NOX4: variants seen among roughly 807,000 people sequenced by gnomAD.
NOX4 encodes NADPH oxidase 4.
In NOX4, 69 loss-of-function variants were observed where a neutral mutation model predicts 87.6. The ratio of observed to expected loss-of-function variants is 0.79; its 90% CI spans 0.65 to 0.96. The LOEUF is 0.96. Ranked by LOEUF, NOX4 falls within the 40% of genes least tolerant of loss-of-function variation. The pLI is 0.00. For synonymous variants in NOX4, 275 were observed against 238.2 expected, an observed-to-expected ratio of 1.15 and a Z score of -1.42; for missense variants, 680 against 681.5, an observed-to-expected ratio of 1.00 and a Z score of 0.02.
chr11:89,491,383 C>A, upstream of NOX4: 1 of 789,236 alleles, frequency 1.3e-6, no homozygotes, highest in Admixed American at 3.6e-5. Context: ...AGTGGAAGCC[C>A]GAAGGCCCGG....
In NOX4 at chr11:89,400,341, A is replaced by C; in HGVS notation, c.885T>G (p.Cys295Trp). Residue 295 changes from cysteine to tryptophan, a missense_variant, in exon 10 of 18, where the codon TGT becomes TGG. Transcript: ENST00000263317. ...GGATATACCTGTAAAGTCTTTCGGC[A>C]CAGTACAGGCACAAAGGTCCAGAAA... ...LWISGPLCLY[C>W]AERLYRYIRS... 6.2e-7 allele frequency: 1 copy of C among 1,612,376 alleles called. No individual in the cohort carries two copies. The highest frequency in any genetic ancestry group is 8.5e-7 in the Non-Finnish European group (1 of 1,179,078).
upstream of NOX4, chr11:89,491,468 G>T (rs1014898641): frequency 1.3e-5 from 7 of 524,272 alleles, no homozygotes; most frequent in East Asian, 3.4e-5. Context: ...CCCGCACCGG[G>T]TCAGCTCTGC....
intron 15 of NOX4, among the ~76,000 whole-genome samples, chr11:89,339,318 T>C (rs531072598): frequency 4.6e-5 from 7 of 152,184 alleles, no homozygotes; most frequent in Admixed American, 1.3e-4. Context: ...TACCAAAAAA[T>C]AGTCAAGACA....
At chr11:89,481,939 A>G (rs1946406539) in intron 2 of NOX4, among the ~76,000 whole-genome samples, 2 of 152,100 alleles carry the variant, frequency 1.3e-5, no homozygotes, top group African/African-American at 4.8e-5. Context: ...AAGGTAAAGT[A>G]GTTCCTCAAT....
At chr11:89,517,917 G>T in the NOX4 span, among the ~76,000 whole-genome samples, 1 of 151,924 alleles carries the variant, frequency 6.6e-6, no homozygotes, top group Non-Finnish European at 1.5e-5. Flanking sequence ...ATCTATGGAG[G>T]AATATTTGTA....
intron 2 of NOX4, among the ~76,000 whole-genome samples, chr11:89,487,677 T>A (rs1328075394): frequency 6.6e-6 from 1 of 152,192 alleles, no homozygotes; most frequent in Non-Finnish European, 1.5e-5. Context: ...CGTATACCAG[T>A]GGGACCAAGT....
chr11:89,529,273 G>A, the NOX4 span, among the ~76,000 whole-genome samples: 1 of 152,052 alleles, frequency 6.6e-6, no homozygotes, highest in Non-Finnish European at 1.5e-5. Flanking sequence ...GTATATTTGT[G>A]TTTATTTTTA....
At chr11:89,566,189 C>T in the NOX4 span, among the ~76,000 whole-genome samples, 15 of 151,900 alleles carry the variant, frequency 9.9e-5, no homozygotes, top group African/African-American at 3.4e-4. Flanking sequence ...ACTACAGGCG[C>T]CAGCCACAAC....
intron 12 of NOX4, among the ~76,000 whole-genome samples, chr11:89,357,648 C>T (rs317191): frequency 0.24 from 36,663 of 151,878 alleles, 8,345 homozygotes; most frequent in African/African-American, 0.6. Context: ...GGTAAAGAAC[C>T]GTTAAATCAA....
the NOX4 span, among the ~76,000 whole-genome samples, chr11:89,510,240 T>G: frequency 6.6e-6 from 1 of 152,066 alleles, no homozygotes; most frequent in African/African-American, 2.4e-5. Context: ...AGTTACTTAT[T>G]AAGAAGATGA....
At chr11:89,438,591 T>C (rs1944226529) in intron 6 of NOX4, among the ~76,000 whole-genome samples, 1 of 68,930 alleles carries the variant, frequency 1.5e-5, no homozygotes, top group Admixed American at 2.8e-4. Context: ...TATTATATAC[T>C]ATATATAATA....
the NOX4 span, among the ~76,000 whole-genome samples, chr11:89,542,993 C>T: frequency 6.6e-6 from 1 of 151,882 alleles, no homozygotes; most frequent in Non-Finnish European, 1.5e-5. Flanking sequence ...ACAGAAATGC[C>T]CTTATGTAGA....
upstream of NOX4, among the ~76,000 whole-genome samples, chr11:89,494,641 T>C (rs935442028): frequency 3.3e-5 from 5 of 152,190 alleles, no homozygotes; most frequent in Non-Finnish European, 7.3e-5. Context: ...AAATCCCAAT[T>C]TCTCAAGCAT....
intron 14 of NOX4, among the ~76,000 whole-genome samples, chr11:89,341,038 T>A (rs1433357184): frequency 6.6e-6 from 1 of 151,886 alleles, no homozygotes; most frequent in East Asian, 1.9e-4. Flanking sequence ...TGTGTTTTCA[T>A]AAGAATATCA....
the NOX4 span, among the ~76,000 whole-genome samples, chr11:89,540,512 G>A: frequency 1.3e-5 from 2 of 151,660 alleles, no homozygotes; most frequent in Non-Finnish European, 2.9e-5. Context: ...CTTCGGCCGG[G>A]CACAGTGGCT....
intron 11 of NOX4, among the ~76,000 whole-genome samples, chr11:89,397,183 T>C (rs1565236227): frequency 6.6e-6 from 1 of 152,174 alleles, no homozygotes. Context: ...ACTGCTCAAC[T>C]ACATGGAAAC....
the NOX4 span, among the ~76,000 whole-genome samples, chr11:89,569,034 G>C: frequency 6.6e-6 from 1 of 152,050 alleles, no homozygotes; most frequent in Non-Finnish European, 1.5e-5. Context: ...GACTTAATGA[G>C]TTAAATGAAA....
the NOX4 span, among the ~76,000 whole-genome samples, chr11:89,527,662 G>A: frequency 1.3e-5 from 2 of 152,174 alleles, no homozygotes; most frequent in Non-Finnish European, 2.9e-5. Context: ...CTTACATTTG[G>A]TTTTGGGCCT....
At chr11:89,461,067 C>T (rs1055556273) in intron 2 of NOX4, among the ~76,000 whole-genome samples, 18 of 152,110 alleles carry the variant, frequency 1.2e-4, no homozygotes, top group African/African-American at 4.1e-4. Context: ...GACAAAAAAC[C>T]AAACACCGCA....
Sources: allele counts gnomAD v4.1 joint callset (sites outside exome capture counted in the v4.1 genomes callset), GRCh38; gene constraint gnomAD v4.1.1; transcripts MANE v1.5; gene names NCBI Gene and HGNC (gene_info 2026-07-23, HGNC 2026-07-21).